Variants in IAH1 observed in about 807,000 individuals in gnomAD.
The protein encoded by IAH1 is isoamyl acetate hydrolyzing esterase 1 (putative).
Under a neutral mutation model 26.7 loss-of-function variants are expected in IAH1, and 24 were observed. The observed-to-expected ratio is 0.90, with a 90% CI of 0.65 to 1.26. IAH1 has a LOEUF of 1.26. Among genes scored for constraint, IAH1 ranks in the 50% most tolerant of loss-of-function variants. The pLI is 0.00. For missense variants in IAH1, 300 were observed against 299.9 expected, an observed-to-expected ratio of 1.00 and a Z score of 0.00; for synonymous variants, 140 against 118.5, an observed-to-expected ratio of 1.18 and a Z score of -1.18.
At chr2:9,506,386 T>TTA in the IAH1 span, among the ~76,000 whole-genome samples, 447 of 144,402 alleles carry the variant, frequency 3.1e-3, 3 homozygotes, top group African/African-American at 0.011. Context: ...TTTTTTTTTT[T>TTA]AGATGGAGTC....
the IAH1 span, among the ~76,000 whole-genome samples, chr2:9,507,508 CA>C: frequency 6.6e-6 from 1 of 151,988 alleles, no homozygotes; most frequent in African/African-American, 2.4e-5. Context: ...CTCAAAAAAT[CA>C]TAATAAATAA....
At chr2:9,480,191 AT>A (rs1400109445) in intron 3 of IAH1, among the ~76,000 whole-genome samples, 1 of 152,102 alleles carries the variant, frequency 6.6e-6, no homozygotes, top group African/African-American at 2.4e-5. Flanking sequence ...ACTAAATTTC[AT>A]TTTTTTGCAA....
At chr2:9,475,914 C>A in intron 1 of IAH1, 73 bp from the exon 2 acceptor site, 1 of 1,322,648 alleles carries the variant, frequency 7.6e-7, no homozygotes, top group Non-Finnish European at 1.1e-6. Context: ...ACAGAAGTTG[C>A]CAATCAGAAC....
chr2:9,504,795 A>G, the IAH1 span, among the ~76,000 whole-genome samples: 1 of 151,654 alleles, frequency 6.6e-6, no homozygotes, highest in Non-Finnish European at 1.5e-5. Flanking sequence ...TCTTTTAACT[A>G]TAGGACTGCT....
the IAH1 span, among the ~76,000 whole-genome samples, chr2:9,506,359 GTTTT>G: frequency 1.4e-5 from 1 of 73,206 alleles, no homozygotes. Flanking sequence ...CTTCAAATCT[GTTTT>G]TTTTTTTTTT....
chr2:9,502,144 C>G, the IAH1 span: 2 of 1,575,388 alleles, frequency 1.3e-6, no homozygotes, highest in Middle Eastern at 3.3e-4. Context: ...TGACCCACAG[C>G]ATTCCAAGGA....
intron 1 of IAH1, among the ~76,000 whole-genome samples, chr2:9,475,503 CTTT>C (rs942486386): frequency 1.6e-5 from 2 of 121,366 alleles, no homozygotes; most frequent in African/African-American, 6.1e-5. Context: ...TTTTTTTTTT[CTTT>C]TTTTCTTTTT....
intron 2 of IAH1, 29 bp from the exon 3 acceptor site, chr2:9,478,193 A>G: frequency 1.9e-6 from 3 of 1,584,962 alleles, no homozygotes; most frequent in African/African-American, 2.7e-5. Flanking sequence ...CTTGCCCACA[A>G]TTCATCTTTT....
At position 9,474,971 on chromosome 2, in the gene IAH1, G is replaced by C. The variant is rs1051909003; in HGVS notation, c.81+324G>C. The C allele has an allele frequency of 2.5e-5, 27 of 1,087,460 alleles. No homozygotes were observed. Among genetic ancestry groups the C allele is most frequent in the Non-Finnish European group, 2.5e-5 (22 of 883,704 alleles). The allele number at this position is 1,087,460 out of a possible 1,614,324, so 67.4% of individuals were successfully genotyped here. ...CTTCCCCTCAGCGCCCTCCTGGGCA[G>C]CGGCCTTTCCCCTCCGGGTCCGGGT... On this transcript the variant is annotated intron_variant, in intron 1 of 5. Coordinates refer to ENST00000497473, the MANE Select transcript of IAH1 (RefSeq NM_001039613.3). The surrounding 1 kb of genome is among the most constrained non-coding windows in gnomAD (Gnocchi z 4.3).
chr2:9,490,079 C>T (rs1056807983), downstream of IAH1: 6 of 1,178,106 alleles, frequency 5.1e-6, no homozygotes, highest in African/African-American at 7.7e-5. Context: ...TCTGCTAAGT[C>T]ACTTCCCAGT....
At chr2:9,497,461 C>G (rs1468320715), downstream of IAH1, among the ~76,000 whole-genome samples, 1 of 152,232 alleles carries the variant, frequency 6.6e-6, no homozygotes, top group South Asian at 2.1e-4. Context: ...GCATGAGTCC[C>G]TGGCCTCCCA....
intron 3 of IAH1, among the ~76,000 whole-genome samples, chr2:9,478,584 C>T (rs1386372642): frequency 1.3e-5 from 2 of 152,176 alleles, no homozygotes; most frequent in Non-Finnish European, 2.9e-5. Flanking sequence ...CAGTCCTAAT[C>T]TTGCAAACAG....
At chr2:9,499,348 G>A (rs111279510), downstream of IAH1, among the ~76,000 whole-genome samples, 145 of 152,174 alleles carry the variant, frequency 9.5e-4, no homozygotes, top group African/African-American at 3.3e-3. Flanking sequence ...ATTGAGCATA[G>A]CTAGCAAATG....
At chr2:9,505,485 G>A in the IAH1 span, 10 of 1,043,992 alleles carry the variant, frequency 9.6e-6, no homozygotes, top group East Asian at 2.6e-4. Flanking sequence ...GAGCCACCCT[G>A]GAGTTATGGC....
At chr2:9,475,955 TTAG>T (rs760198232) in intron 1 of IAH1, 29 bp from the exon 2 acceptor site, 23 of 1,597,846 alleles carry the variant, frequency 1.4e-5, no homozygotes, top group Non-Finnish European at 1.7e-6. Flanking sequence ...GTTACAGTCA[TTAG>T]TAGTAATAAT....
At chr2:9,505,207 G>A in the IAH1 span, 3 of 1,614,174 alleles carry the variant, frequency 1.9e-6, no homozygotes, top group Non-Finnish European at 2.5e-6. Context: ...CGCTGTTGCA[G>A]CAGGTGTCGT....
At chr2:9,509,103 T>C in the IAH1 span, among the ~76,000 whole-genome samples, 6 of 152,264 alleles carry the variant, frequency 3.9e-5, no homozygotes, top group African/African-American at 1.4e-4. Flanking sequence ...GCCCTCTGTG[T>C]CCAGGGAAGG....
At chr2:9,497,619 C>A (rs1662709423), downstream of IAH1, among the ~76,000 whole-genome samples, 1 of 152,240 alleles carries the variant, frequency 6.6e-6, no homozygotes, top group Non-Finnish European at 1.5e-5. Context: ...GCCCTGACTT[C>A]ATCGCACACA....
chr2:9,499,896 T>C (rs1662898617), downstream of IAH1, among the ~76,000 whole-genome samples: 1 of 152,066 alleles, frequency 6.6e-6, no homozygotes, highest in Non-Finnish European at 1.5e-5. Flanking sequence ...ATAGTTACAA[T>C]AAAAAAGATA....
Sources: gnomAD v4.1 joint callset for allele counts (sites outside exome capture counted in the v4.1 genomes callset) on GRCh38, gnomAD v4.1.1 for gene constraint, Gnocchi (gnomAD v3.1) non-coding constraint, MANE v1.5 for transcripts, NCBI Gene and HGNC (gene_info 2026-07-23, HGNC 2026-07-21) for gene names.